The following GRID2 variants were observed in gnomAD, a reference collection of about 807,000 sequenced individuals.
GRID2 encodes the protein glutamate ionotropic receptor delta type subunit 2, also known as glutamate receptor ionotropic, delta-2.
GRID2 carries 33 observed loss-of-function variants against 114.8 expected under a neutral mutation model. The ratio of observed to expected loss-of-function variants is 0.29; its 90% CI spans 0.22 to 0.38. GRID2 has a LOEUF of 0.38. Ranked by LOEUF, GRID2 falls within the 10% of genes least tolerant of loss-of-function variation. GRID2 has a pLI of 1.00. For missense variants in GRID2, 1,184 were observed against 1,257.7 expected (o/e 0.94, Z 0.89); for synonymous variants, 505 against 449.9 (o/e 1.12, Z -1.55).
At chr4:92,321,585 T>C (rs1726318514) in intron 1 of GRID2, among the ~76,000 whole-genome samples, 1 of 152,178 alleles carries the variant, frequency 6.6e-6, no homozygotes, top group Non-Finnish European at 1.5e-5. Flanking sequence ...TCTTAATAAG[T>C]CGGTCCATTG....
At chr4:92,384,495 A>T (rs1216043802) in intron 1 of GRID2, among the ~76,000 whole-genome samples, 2 of 45,810 alleles carry the variant, frequency 4.4e-5, no homozygotes, top group African/African-American at 2.1e-4. Flanking sequence ...ATATATAATA[A>T]AAATATATAT....
intron 1 of GRID2, among the ~76,000 whole-genome samples, chr4:92,578,115 T>TC (rs1727994191): frequency 1.4e-4 from 13 of 92,052 alleles, no homozygotes; most frequent in Non-Finnish European, 2.2e-4. Context: ...TTCTTCTTCT[T>TC]TTTCTTATTA....
chr4:93,446,833 G>A (rs1311918332), intron 10 of GRID2, among the ~76,000 whole-genome samples: 1 of 151,734 alleles, frequency 6.6e-6, no homozygotes, highest in African/African-American at 2.4e-5. Flanking sequence ...AGAGAAGACT[G>A]AAAGGATAAC....
At chr4:92,781,211 A>T (rs1201270483) in intron 2 of GRID2, among the ~76,000 whole-genome samples, 4 of 152,098 alleles carry the variant, frequency 2.6e-5, no homozygotes, top group Non-Finnish European at 5.9e-5. Flanking sequence ...ACACCACTGC[A>T]CTCCAGCCTG....
rs988610946 is a variant in GRID2, at chr4:93,774,239, C to T, written c.*1741C>T. 4.6e-5 allele frequency: 7 copies of T among 152,008 alleles called. No homozygotes were observed. Among genetic ancestry groups the T allele is most frequent in the African/African-American group, 1.7e-4 (7 of 41,510 alleles). 9.4% of individuals were successfully genotyped at this position (152,008 alleles called of 1,614,324 possible). A position where few individuals can be genotyped will look rare whatever the true frequency, so the allele number is the denominator to read the frequency against. ...GAAAAATTTCTTATCATGCAAAAAC[C>T]ATTTTGTTTCCAGGGTAACAAGTAA... On this transcript the variant is annotated 3_prime_UTR_variant, in exon 16 of 16. Coordinates refer to ENST00000282020, the MANE Select transcript of GRID2 (RefSeq NM_001510.4).
chr4:93,521,694 A>AT (rs1730354083), intron 13 of GRID2, among the ~76,000 whole-genome samples: 1 of 152,112 alleles, frequency 6.6e-6, no homozygotes, highest in Non-Finnish European at 1.5e-5. Context: ...AGAAGAGATT[A>AT]TGAGAACCAG....
intron 14 of GRID2, among the ~76,000 whole-genome samples, chr4:93,677,367 A>G (rs1001371702): frequency 6.6e-6 from 1 of 152,116 alleles, no homozygotes; most frequent in African/African-American, 2.4e-5. Flanking sequence ...CACAAACAAA[A>G]AGACAGCAGT....
chr4:93,580,708 GA>G (rs1736884881), intron 13 of GRID2, among the ~76,000 whole-genome samples: 2 of 151,898 alleles, frequency 1.3e-5, no homozygotes, highest in South Asian at 4.2e-4. Flanking sequence ...TGTCACTGAG[GA>G]AAGTGGAAAG....
At chr4:93,368,135 G>T (rs1420506065) in intron 8 of GRID2, among the ~76,000 whole-genome samples, 1 of 152,008 alleles carries the variant, frequency 6.6e-6, no homozygotes, top group East Asian at 1.9e-4. Context: ...TCTCAGTAAG[G>T]CTAGAACATC....
At chr4:92,600,040 G>GTATATA (rs1223993452) in intron 2 of GRID2, among the ~76,000 whole-genome samples, 15 of 70,710 alleles carry the variant, frequency 2.1e-4, no homozygotes, top group African/African-American at 8.5e-4. Context: ...GTGTGTGTGT[G>GTATATA]TGTGTATATA....
intron 2 of GRID2, among the ~76,000 whole-genome samples, chr4:92,695,482 T>C (rs1037395703): frequency 6.6e-6 from 1 of 152,134 alleles, no homozygotes; most frequent in African/African-American, 2.4e-5. Flanking sequence ...CTGAATAATT[T>C]TTACAATGCT....
At chr4:93,186,396 C>A (rs530072137) in intron 4 of GRID2, among the ~76,000 whole-genome samples, 2 of 152,278 alleles carry the variant, frequency 1.3e-5, no homozygotes, top group Non-Finnish European at 2.9e-5. Context: ...ACATCCTCTC[C>A]AGCATCTGTT....
intron 5 of GRID2, among the ~76,000 whole-genome samples, chr4:93,214,733 T>G (rs995792691): frequency 6.6e-6 from 1 of 152,038 alleles, no homozygotes; most frequent in Admixed American, 6.6e-5. Flanking sequence ...CCACCCCTTT[T>G]CCCTTTTTGT....
At chr4:93,450,764 A>G (rs1722613252) in intron 10 of GRID2, among the ~76,000 whole-genome samples, 1 of 151,872 alleles carries the variant, frequency 6.6e-6, no homozygotes, top group Non-Finnish European at 1.5e-5. Flanking sequence ...AGTCCTAATC[A>G]AAATTTAAAT....
chr4:92,348,915 C>A (rs1359545102), intron 1 of GRID2, among the ~76,000 whole-genome samples: 1 of 151,924 alleles, frequency 6.6e-6, no homozygotes, highest in Non-Finnish European at 1.5e-5. Context: ...TTAATTAGTA[C>A]CTTTGTTGGC....
chr4:92,821,755 C>T (rs1263860657), intron 2 of GRID2, among the ~76,000 whole-genome samples: 1 of 152,110 alleles, frequency 6.6e-6, no homozygotes, highest in Non-Finnish European at 1.5e-5. Flanking sequence ...ACACACATAG[C>T]AAGACCAAAA....
At chr4:93,607,817 A>G (rs1740412373) in intron 13 of GRID2, among the ~76,000 whole-genome samples, 1 of 151,978 alleles carries the variant, frequency 6.6e-6, no homozygotes, top group South Asian at 2.1e-4. Flanking sequence ...TATTTGTACT[A>G]TTTTGCATTG....
intron 5 of GRID2, among the ~76,000 whole-genome samples, chr4:93,208,152 T>C (rs1743029053): frequency 6.6e-6 from 1 of 151,984 alleles, no homozygotes; most frequent in Non-Finnish European, 1.5e-5. Flanking sequence ...ATACCTATTA[T>C]TTATGAATAA....
intron 2 of GRID2, among the ~76,000 whole-genome samples, chr4:92,874,762 T>TA (rs1444022764): frequency 6.6e-6 from 1 of 152,196 alleles, no homozygotes; most frequent in Admixed American, 6.5e-5. Context: ...CTTGTAGATG[T>TA]AAAAAATCTA....
Sources: gnomAD v4.1 joint callset for allele counts (sites outside exome capture counted in the v4.1 genomes callset) on GRCh38, gnomAD v4.1.1 for gene constraint, MANE v1.5 for transcripts, NCBI Gene and HGNC (gene_info 2026-07-23, HGNC 2026-07-21) for gene names.